DSCAM: variants seen among roughly 807,000 people sequenced by gnomAD.
The protein encoded by DSCAM is cell adhesion molecule DSCAM.
Under a neutral mutation model 217.7 loss-of-function variants are expected in DSCAM, and 47 were observed. The ratio of observed to expected loss-of-function variants is 0.22; its 90% CI spans 0.17 to 0.28. The LOEUF (loss-of-function observed/expected upper bound fraction) is 0.28, where lower values mean the gene tolerates loss of function less well. Ranked by LOEUF, DSCAM falls within the 10% of genes least tolerant of loss-of-function variation. The pLI is 1.00. For missense variants in DSCAM, 2,080 were observed against 2,618.3 expected (o/e 0.79, Z 4.49); for synonymous variants, 1,056 against 1,015.3 (o/e 1.04, Z -0.76).
At chr21:40,462,741 C>T (rs2075815914) in intron 3 of DSCAM, among the ~76,000 whole-genome samples, 1 of 152,140 alleles carries the variant, frequency 6.6e-6, no homozygotes, top group South Asian at 2.1e-4. Flanking sequence ...GGTTTACAGC[C>T]TGAGTGTCAG....
At chr21:40,522,003 T>C (rs1177355428) in intron 3 of DSCAM, among the ~76,000 whole-genome samples, 1 of 152,166 alleles carries the variant, frequency 6.6e-6, no homozygotes, top group East Asian at 1.9e-4. Flanking sequence ...TTAAACTTTT[T>C]AAAAAATATA....
chr21:40,209,397 C>T (rs1218176637), intron 11 of DSCAM, among the ~76,000 whole-genome samples: 1 of 152,068 alleles, frequency 6.6e-6, no homozygotes, highest in Non-Finnish European at 1.5e-5. Flanking sequence ...ACACAAGACT[C>T]CTACATTTCT....
chr21:40,302,085 T>C (rs143936194), intron 9 of DSCAM, among the ~76,000 whole-genome samples: 18 of 152,372 alleles, frequency 1.2e-4, no homozygotes, highest in African/African-American at 4.1e-4. Flanking sequence ...GTTTCCTTTT[T>C]TAAAGATGAT....
At chr21:40,348,567 T>G (rs1007405875) in intron 5 of DSCAM, among the ~76,000 whole-genome samples, 1 of 152,122 alleles carries the variant, frequency 6.6e-6, no homozygotes, top group African/African-American at 2.4e-5. Context: ...CTCCTAACAG[T>G]TCTTATCAGC....
intron 3 of DSCAM, among the ~76,000 whole-genome samples, chr21:40,565,837 T>A (rs1287385904): frequency 6.6e-6 from 1 of 152,128 alleles, no homozygotes; most frequent in East Asian, 1.9e-4. Context: ...AACTTCAGAG[T>A]CCCAGTTTAT....
At chr21:40,613,190 C>T (rs938029149) in intron 3 of DSCAM, among the ~76,000 whole-genome samples, 1 of 147,760 alleles carries the variant, frequency 6.8e-6, no homozygotes, top group African/African-American at 2.5e-5. Flanking sequence ...AAAACATATA[C>T]TCTCACCTCA....
At chr21:40,451,358 T>A (rs1455714106) in intron 3 of DSCAM, among the ~76,000 whole-genome samples, 1 of 152,160 alleles carries the variant, frequency 6.6e-6, no homozygotes, top group African/African-American at 2.4e-5. Context: ...GAAACATAAA[T>A]CTTTATAAAA....
intron 21 of DSCAM, among the ~76,000 whole-genome samples, chr21:40,090,820 C>T (rs1229609074): frequency 6.6e-6 from 1 of 152,182 alleles, no homozygotes; most frequent in East Asian, 1.9e-4. Context: ...GCACAGATGC[C>T]TCTGAGTGAA....
chr21:40,205,262 T>G (rs553483223), intron 11 of DSCAM, among the ~76,000 whole-genome samples: 1 of 111,040 alleles, frequency 9.0e-6, no homozygotes, highest in South Asian at 2.9e-4. Context: ...AAGCAGTGCA[T>G]GCTGGGGGCC....
intron 11 of DSCAM, among the ~76,000 whole-genome samples, chr21:40,190,772 G>A (rs1304796092): frequency 6.6e-5 from 10 of 152,156 alleles, no homozygotes; most frequent in South Asian, 2.1e-4. Context: ...CCTGCTGGCC[G>A]TGAGCTCACA....
chr21:40,791,769 T>C (rs1460370005), intron 1 of DSCAM, among the ~76,000 whole-genome samples: 1 of 152,338 alleles, frequency 6.6e-6, no homozygotes, highest in Admixed American at 6.5e-5. Flanking sequence ...GTTGGAGCTA[T>C]AAATCAAAGT....
intron 3 of DSCAM, among the ~76,000 whole-genome samples, chr21:40,574,346 T>C (rs1028966300): frequency 1.3e-5 from 2 of 152,134 alleles, no homozygotes; most frequent in Non-Finnish European, 2.9e-5. Flanking sequence ...AATAATTCAT[T>C]TCATTAACAG....
intron 3 of DSCAM, among the ~76,000 whole-genome samples, chr21:40,634,962 C>A (rs907211666): frequency 6.6e-6 from 1 of 152,174 alleles, no homozygotes; most frequent in East Asian, 1.9e-4. Context: ...TGTCTGCCTG[C>A]TCCCACTGGA....
chr21:40,556,199 G>C (rs2076670430), intron 3 of DSCAM, among the ~76,000 whole-genome samples: 3 of 152,094 alleles, frequency 2.0e-5, no homozygotes, highest in Admixed American at 2.0e-4. Context: ...TATGTATTTA[G>C]TTTACTCTTG....
chr21:40,130,230 T>C (rs1314649556), intron 19 of DSCAM, among the ~76,000 whole-genome samples: 2 of 152,200 alleles, frequency 1.3e-5, no homozygotes, highest in Non-Finnish European at 2.9e-5. Flanking sequence ...ACGGCTTGAC[T>C]CGTATTATAG....
At chr21:40,771,019 C>T (rs957329903) in intron 1 of DSCAM, among the ~76,000 whole-genome samples, 1 of 152,172 alleles carries the variant, frequency 6.6e-6, no homozygotes, top group Non-Finnish European at 1.5e-5. Flanking sequence ...ATGGTAAACA[C>T]GAGGCAGCCT....
intron 14 of DSCAM, among the ~76,000 whole-genome samples, chr21:40,182,330 G>A (rs1314688579): frequency 1.3e-5 from 2 of 152,024 alleles, no homozygotes; most frequent in Non-Finnish European, 2.9e-5. Flanking sequence ...GTGAACTAGG[G>A]GTGGGAAGAC....
rs117170914 is a variant in DSCAM at position 40,581,490 on chromosome 21, A to G, written c.508+111320T>C. Among the ~76,000 whole-genome samples the G allele has an allele frequency of 6.5e-3, 989 of 152,332 alleles. 2 individuals are homozygous for G. Among genetic ancestry groups the G allele is most frequent in the Non-Finnish European group, 0.012 (803 of 68,026 alleles). On this transcript the variant is annotated intron_variant, in intron 3 of 32. Coordinates refer to ENST00000400454, the MANE Select transcript of DSCAM (RefSeq NM_001389.5). ...CAGTTAGTGGGCAAGCCAGGTTTCA[A>G]ACCCAGGTTTGTCTTATTCCAAAGT...
chr21:40,330,694 C>T (rs2074369304), intron 8 of DSCAM, among the ~76,000 whole-genome samples: 1 of 152,064 alleles, frequency 6.6e-6, no homozygotes, highest in African/African-American at 2.4e-5. Flanking sequence ...CCCAGGGTAG[C>T]TGAGCCAATG....
Sources: allele counts gnomAD v4.1 joint callset (sites outside exome capture counted in the v4.1 genomes callset), GRCh38; gene constraint gnomAD v4.1.1; transcripts MANE v1.5; gene names NCBI Gene and HGNC (gene_info 2026-07-23, HGNC 2026-07-21).